Variants in STMN4 observed in about 807,000 individuals in gnomAD.
STMN4 encodes the protein stathmin 4, also known as stathmin-4.
Under a neutral mutation model 29.1 loss-of-function variants are expected in STMN4, and 12 were observed. The observed-to-expected ratio is 0.41, with a 90% confidence interval of 0.26 to 0.67. The LOEUF (loss-of-function observed/expected upper bound fraction) is 0.67, where lower values mean the gene tolerates loss of function less well. Among genes scored for constraint, STMN4 ranks in the 30% least tolerant of loss-of-function variants. The pLI, the probability that STMN4 is intolerant of heterozygous loss-of-function variation, is 0.30. For synonymous variants in STMN4, 114 were observed against 105.3 expected, an observed-to-expected ratio of 1.08 and a Z score of -0.51; for missense variants, 181 against 262.8, an observed-to-expected ratio of 0.69 and a Z score of 2.15.
Position 27,239,980 on chromosome 8 carries a change from C to T in STMN4, c.582G>A (p.Leu194=), listed in dbSNP as rs1165866708. The T allele has an allele frequency of 1.2e-6, 2 of 1,614,246 alleles. No homozygotes were observed. Among genetic ancestry groups the T allele is most frequent in the East Asian group, 2.2e-5 (1 of 44,892 alleles). The part of the protein sequence containing the change: ...EAHLAAMLER[L]QEKDKHAEEV... Reference sequence around the variant, plus strand: ...GCCAGGGACCCCTCACCTTCTCTTGCAGCCGTTCCAACATGGCGGCGAGGT... The same window carrying T: ...GCCAGGGACCCCTCACCTTCTCTTGTAGCCGTTCCAACATGGCGGCGAGGT... The change falls in exon 6 of 7, where the codon CTG becomes CTA. Residue 194 remains leucine (L), a synonymous_variant. Coordinates refer to ENST00000350889, the MANE Select transcript of STMN4 (RefSeq NM_030795.4).
Position 27,235,631 on chromosome 8 carries a change from G to C in STMN4, c.*1215C>G, listed in dbSNP as rs1801293626. 6.6e-6 allele frequency: 1 copy of C among 152,210 alleles called. No individual in the cohort carries two copies. Among genetic ancestry groups the C allele is most frequent in the Non-Finnish European group, 1.5e-5 (1 of 68,062 alleles). 9.4% of individuals were successfully genotyped at this position (152,210 alleles called of 1,614,324 possible). On this transcript the variant is annotated 3_prime_UTR_variant, in exon 7 of 7. Coordinates refer to ENST00000350889, the MANE Select transcript of STMN4 (RefSeq NM_030795.4). Reference sequence around the variant, plus strand: ...CTTCTGCTATGGTGTGAATGTTGCTGTCTCCCCCAATATACAGGTTGAATC... The same window carrying C: ...CTTCTGCTATGGTGTGAATGTTGCTCTCTCCCCCAATATACAGGTTGAATC...
intron 6 of STMN4, 40 bp from the exon 7 acceptor site, chr8:27,236,945 C>T: frequency 2.5e-6 from 4 of 1,585,694 alleles, no homozygotes; most frequent in Non-Finnish European, 3.4e-6. Flanking sequence ...TCACACAAGG[C>T]TGCCCGGGGA....
chr8:27,254,287 C>G (rs2130167558), intron 1 of STMN4, among the ~76,000 whole-genome samples: 1 of 152,314 alleles, frequency 6.6e-6, no homozygotes, highest in East Asian at 1.9e-4. Flanking sequence ...CACAGACTCC[C>G]ACATGGTCCA....
chr8:27,249,850 G>A (rs1801734754), intron 1 of STMN4, among the ~76,000 whole-genome samples: 2 of 152,194 alleles, frequency 1.3e-5, no homozygotes, highest in Admixed American at 1.3e-4. Flanking sequence ...ACGACAGAAT[G>A]AACAAGCATT....
chr8:27,239,342 G>A (rs1801398166), intron 6 of STMN4: 2 of 1,520,546 alleles, frequency 1.3e-6, no homozygotes, highest in Admixed American at 2.0e-5. Context: ...GGGCGGCCTT[G>A]AGACTCAGGA....
chr8:27,239,294 C>T, intron 6 of STMN4: 1 of 1,535,630 alleles, frequency 6.5e-7, no homozygotes, highest in South Asian at 1.2e-5. Flanking sequence ...AAATAAAACA[C>T]AGAGCTGGAG....
intron 4 of STMN4, 141 bp from the exon 5 acceptor site, chr8:27,241,403 T>A: frequency 1.0e-6 from 1 of 984,956 alleles, no homozygotes; most frequent in Non-Finnish European, 1.5e-6. Flanking sequence ...TCCTACACCC[T>A]AGTACCTAAG....
At position 27,240,089 on chromosome 8, in the gene STMN4, A is replaced by G. The variant is rs541326353; in HGVS notation, c.473T>C (p.Ile158Thr). 13 of 1,614,028 alleles carry G rather than the reference A, an allele frequency of 8.1e-6. No homozygotes were observed. The East Asian group carries it at 8.9e-5, about 11-fold the overall frequency. ...CTTGATGAAGTTGTTGTTTTCCTCA[A>G]TGGCCTTTTGGATCACCTCTCTCTC... Reference protein sequence around the residue: ...EHEREVIQKAIEENNNFIKMA... With the variant: ...EHEREVIQKATEENNNFIKMA... The change falls in exon 6 of 7, where the codon ATT becomes ACT. Residue 158 changes from isoleucine (I) to threonine (T), a missense_variant. Coordinates refer to ENST00000350889, the MANE Select transcript of STMN4 (RefSeq NM_030795.4).
intron 6 of STMN4, chr8:27,239,528 T>C (rs949906737): frequency 2.8e-5 from 20 of 714,200 alleles, no homozygotes; most frequent in Middle Eastern, 4.0e-4. Context: ...GAGAGAATCA[T>C]GTTTCCTGCT....
intron 6 of STMN4, among the ~76,000 whole-genome samples, chr8:27,237,117 A>C (rs1189723283): frequency 6.6e-6 from 1 of 152,158 alleles, no homozygotes; most frequent in Non-Finnish European, 1.5e-5. Context: ...CAGGGAGCTC[A>C]GGGTCCTGTG....
intron 3 of STMN4, 168 bp downstream of exon 3, chr8:27,242,229 C>T (rs1020677665): frequency 1.0e-5 from 7 of 682,770 alleles, no homozygotes; most frequent in East Asian, 2.7e-5. Flanking sequence ...CCAGGCTGGA[C>T]CACTGCAGCT....
intron 1 of STMN4, among the ~76,000 whole-genome samples, chr8:27,248,717 C>T (rs1300112583): frequency 6.6e-6 from 1 of 152,180 alleles, no homozygotes; most frequent in East Asian, 1.9e-4. Context: ...GTTATACCGT[C>T]GTCACACAGG....
At chr8:27,242,527 T>C in intron 2 of STMN4, 35 bp from the exon 3 acceptor site, 1 of 1,603,998 alleles carries the variant, frequency 6.2e-7, no homozygotes, top group Non-Finnish European at 8.5e-7. Flanking sequence ...GGATGGCGCC[T>C]CTCCTAGCCT....
chr8:27,241,387 G>T, intron 4 of STMN4, 125 bp from the exon 5 acceptor site: 2 of 1,147,248 alleles, frequency 1.7e-6, no homozygotes, highest in Non-Finnish European at 2.5e-6. Flanking sequence ...CTGGGGTCTG[G>T]CTTAGTCCTA....
At chr8:27,237,919 A>T (rs1801355894) in intron 6 of STMN4, among the ~76,000 whole-genome samples, 1 of 152,206 alleles carries the variant, frequency 6.6e-6, no homozygotes, top group African/African-American at 2.4e-5. Flanking sequence ...ATGGTGCCTT[A>T]CACATGGCAA....
At chr8:27,243,336 T>A (rs1190120891) in intron 2 of STMN4, among the ~76,000 whole-genome samples, 1 of 152,182 alleles carries the variant, frequency 6.6e-6, no homozygotes, top group African/African-American at 2.4e-5. Context: ...AGACTCCTGA[T>A]ACTGGGGACT....
chr8:27,238,028 G>A (rs1263943320), intron 6 of STMN4, among the ~76,000 whole-genome samples: 1 of 152,134 alleles, frequency 6.6e-6, no homozygotes, highest in Non-Finnish European at 1.5e-5. Flanking sequence ...AGGTTTTCAG[G>A]ATAAACTATA....
chr8:27,237,517 C>G (rs1056739810), intron 6 of STMN4, among the ~76,000 whole-genome samples: 2 of 152,296 alleles, frequency 1.3e-5, no homozygotes, highest in African/African-American at 4.8e-5. Context: ...TGTCTCCCAA[C>G]GTGCTGGGAT....
chr8:27,243,846 A>C, intron 1 of STMN4, 45 bp from the exon 2 acceptor site: 1 of 1,559,428 alleles, frequency 6.4e-7, no homozygotes, highest in South Asian at 1.1e-5. Flanking sequence ...TGGATTAGAC[A>C]GGTTATTCTC....
Sources: allele counts gnomAD v4.1 joint callset (sites outside exome capture counted in the v4.1 genomes callset), GRCh38; gene constraint gnomAD v4.1.1; transcripts MANE v1.5; gene names NCBI Gene and HGNC (gene_info 2026-07-23, HGNC 2026-07-21).